Variants in FAM13A observed in about 807,000 individuals in gnomAD.
FAM13A encodes the protein family with sequence similarity 13 member A.
A neutral mutation model predicts 129.6 loss-of-function variants in FAM13A; 76 were observed. The ratio of observed to expected loss-of-function variants is 0.59; its 90% CI spans 0.49 to 0.71. The LOEUF is 0.71. FAM13A is among the 30% of genes least tolerant of loss of function. The pLI, the probability that FAM13A is intolerant of heterozygous loss-of-function variation, is 0.00. For missense variants in FAM13A, 1,108 were observed against 1,249.3 expected (o/e 0.89, Z 1.70); for synonymous variants, 443 against 449.9 (o/e 0.98, Z 0.20).
At chr4:89,014,253 G>C (rs1306746410) in intron 3 of FAM13A, among the ~76,000 whole-genome samples, 1 of 152,220 alleles carries the variant, frequency 6.6e-6, no homozygotes, top group Admixed American at 6.5e-5. Flanking sequence ...GAACTATGTG[G>C]TGGGAAGAGG....
chr4:88,816,413 T>C (rs980907256), intron 7 of FAM13A, among the ~76,000 whole-genome samples: 5 of 152,142 alleles, frequency 3.3e-5, no homozygotes, highest in South Asian at 2.1e-4. Context: ...ATGTCGACAA[T>C]AGTGTTCTGA....
chr4:88,911,981 C>G (rs772720376), intron 5 of FAM13A, among the ~76,000 whole-genome samples: 4 of 152,170 alleles, frequency 2.6e-5, no homozygotes, highest in African/African-American at 4.8e-5. Flanking sequence ...TCTGCCAAAA[C>G]AGTCACAGCT....
At chr4:89,002,917 A>C (rs1370630226) in intron 3 of FAM13A, among the ~76,000 whole-genome samples, 2 of 152,196 alleles carry the variant, frequency 1.3e-5, no homozygotes, top group Admixed American at 1.3e-4. Context: ...AAAATTAAAA[A>C]AATAGGTTTG....
At chr4:88,990,348 A>C (rs960809204) in intron 4 of FAM13A, 1 of 152,224 alleles carries the variant, frequency 6.6e-6, no homozygotes, top group African/African-American at 2.4e-5. Flanking sequence ...AACTAGAAGA[A>C]TGTATTTGAT....
At chr4:88,894,628 T>A (rs563047911) in intron 6 of FAM13A, among the ~76,000 whole-genome samples, 1 of 152,288 alleles carries the variant, frequency 6.6e-6, no homozygotes, top group African/African-American at 2.4e-5. Flanking sequence ...TTCAAGCAAT[T>A]CTTGTGCCTC....
chr4:88,807,702 C>T (rs1728853411), intron 7 of FAM13A, among the ~76,000 whole-genome samples: 2 of 152,190 alleles, frequency 1.3e-5, no homozygotes, highest in Non-Finnish European at 2.9e-5. Context: ...GGCAACTCTA[C>T]ATCACCTTAG....
At chr4:88,870,503 G>T (rs2869964) in intron 6 of FAM13A, among the ~76,000 whole-genome samples, 14,054 of 152,232 alleles carry the variant, frequency 0.092, 887 homozygotes, top group Non-Finnish European at 0.14. Flanking sequence ...GCTTGGGGGG[G>T]GTCCCGCGCC....
At chr4:89,017,521 T>C (rs1475573329) in intron 3 of FAM13A, among the ~76,000 whole-genome samples, 3 of 152,168 alleles carry the variant, frequency 2.0e-5, no homozygotes, top group East Asian at 3.8e-4. Context: ...ATGAAAACTA[T>C]TCTGGAAATG....
rs186690820 is a variant in FAM13A, at chr4:88,888,708, C to T, written c.843+17671G>A. Among the ~76,000 whole-genome samples, 49 of 151,250 alleles carry T rather than the reference C, an allele frequency of 3.2e-4. No homozygotes were observed. The East Asian group carries it at 7.4e-3, about 23-fold the overall frequency. On this transcript the variant is annotated intron_variant, in intron 6 of 23. Transcript: ENST00000264344. The stretch of plus-strand genomic sequence containing the variant: ...TGGGAGGCCGAGGCGGGCGGATCAA[C>T]GGGTCAGGAGATCGAGACCATCCTG...
chr4:88,739,736 G>A (rs1223250520), intron 19 of FAM13A, among the ~76,000 whole-genome samples: 2 of 132,596 alleles, frequency 1.5e-5, no homozygotes, highest in African/African-American at 3.0e-5. Flanking sequence ...GCAGTGAGCC[G>A]AGATCACACA....
intron 4 of FAM13A, among the ~76,000 whole-genome samples, chr4:88,974,373 T>C (rs1270172681): frequency 2.0e-5 from 3 of 152,222 alleles, no homozygotes; most frequent in Admixed American, 2.0e-4. Context: ...AGAAGTGTTG[T>C]TGATTTTTCA....
intron 2 of FAM13A, 112 bp downstream of exon 2, chr4:89,029,348 T>C (rs911517182): frequency 2.4e-6 from 2 of 831,670 alleles, no homozygotes; most frequent in Non-Finnish European, 1.9e-6. Context: ...AATATTCTAA[T>C]GAAGGTGCTT....
At chr4:89,026,844 G>C (rs1461388604) in intron 2 of FAM13A, among the ~76,000 whole-genome samples, 1 of 152,160 alleles carries the variant, frequency 6.6e-6, no homozygotes, top group Non-Finnish European at 1.5e-5. Flanking sequence ...CTAGTAACCA[G>C]AGCAGATAGA....
At chr4:88,953,272 TG>T (rs1212768389) in intron 4 of FAM13A, among the ~76,000 whole-genome samples, 1 of 151,658 alleles carries the variant, frequency 6.6e-6, no homozygotes, top group Non-Finnish European at 1.5e-5. Context: ...CTGGCCAACA[TG>T]GTGAAACCCC....
intron 7 of FAM13A, among the ~76,000 whole-genome samples, chr4:88,827,477 A>G (rs1733197860): frequency 6.6e-6 from 1 of 152,212 alleles, no homozygotes; most frequent in Non-Finnish European, 1.5e-5. Context: ...TGTAAAATAT[A>G]TAGAATAGTG....
chr4:88,959,261 G>A (rs746320621), intron 4 of FAM13A, among the ~76,000 whole-genome samples: 8 of 152,126 alleles, frequency 5.3e-5, no homozygotes, highest in East Asian at 1.9e-4. Context: ...GGGAGGGGCC[G>A]GGGCAGAATG....
chr4:88,732,829 G>A (rs779065557), intron 21 of FAM13A, among the ~76,000 whole-genome samples: 6 of 151,270 alleles, frequency 4.0e-5, no homozygotes, highest in Non-Finnish European at 7.4e-5. Context: ...GGCCACATCT[G>A]TATTTTTTGG....
intron 4 of FAM13A, among the ~76,000 whole-genome samples, chr4:88,962,173 A>C (rs1218757093): frequency 6.6e-6 from 1 of 152,164 alleles, no homozygotes; most frequent in Non-Finnish European, 1.5e-5. Flanking sequence ...AATGAAATGA[A>C]ATCTCAGCAA....
intron 1 of FAM13A, among the ~76,000 whole-genome samples, chr4:89,046,024 CAA>C (rs34619235): frequency 9.7e-5 from 10 of 103,442 alleles, no homozygotes; most frequent in Admixed American, 2.1e-4. Context: ...AACTCCATCT[CAA>C]AAAAAAAAAA....
Sources: allele counts gnomAD v4.1 joint callset (sites outside exome capture counted in the v4.1 genomes callset), GRCh38; gene constraint gnomAD v4.1.1; transcripts MANE v1.5; gene names NCBI Gene and HGNC (gene_info 2026-07-23, HGNC 2026-07-21).